Variants in SPART observed in about 807,000 individuals in gnomAD.
The protein encoded by SPART is spartin, also known as spastic paraplegia 20 (Troyer syndrome).
In SPART, 35 loss-of-function variants were observed where a neutral mutation model predicts 58.7. That is an observed-to-expected ratio of 0.60 (90% CI 0.46 to 0.79). SPART has a LOEUF of 0.79. SPART is among the 30% of genes least tolerant of loss of function. The pLI is 0.00. For synonymous variants in SPART, 284 were observed against 280.7 expected (o/e 1.01, Z -0.12); for missense variants, 730 against 786.1 (o/e 0.93, Z 0.85).
intron 1 of SPART, among the ~76,000 whole-genome samples, chr13:36,357,153 C>G (rs930637789): frequency 1.2e-4 from 18 of 152,114 alleles, no homozygotes; most frequent in African/African-American, 3.9e-4. Context: ...TGAGGCAGAG[C>G]GTGGATGCTC....
chr13:36,321,068 T>A (rs1882327657), intron 5 of SPART, among the ~76,000 whole-genome samples: 1 of 152,234 alleles, frequency 6.6e-6, no homozygotes, highest in African/African-American at 2.4e-5. Flanking sequence ...GTCCTCGGAA[T>A]GCTACAGGGT....
intron 1 of SPART, chr13:36,368,516 T>C (rs1461491169): frequency 6.4e-6 from 1 of 156,744 alleles, no homozygotes; most frequent in Non-Finnish European, 1.4e-5. Flanking sequence ...CAAGTCATAC[T>C]GTTAGCTAGA....
chr13:36,356,310 A>G (rs1885620482), intron 1 of SPART, among the ~76,000 whole-genome samples: 1 of 152,200 alleles, frequency 6.6e-6, no homozygotes, highest in Admixed American at 6.5e-5. Context: ...AGCAGCCTGG[A>G]CGCTCTGCTG....
chr13:36,304,441 G>C lies in SPART; in HGVS notation c.1925C>G (p.Ala642Gly). ...DNSQRENQEG[A>G]ANVNVRGEKD... The stretch of plus-strand genomic sequence containing the variant: ...CTCCCCTCTCACGTTGACATTTGCT[G>C]CTCCTTCTTGATTTTCCCTCTGAGA... Residue 642 changes from alanine to glycine, a missense_variant, in exon 9 of 9, where the codon GCA becomes GGA. Ala to Gly is a moderately conservative substitution (Grantham distance 60, BLOSUM62 0). Coordinates refer to ENST00000438666, the MANE Select transcript of SPART (RefSeq NM_015087.5). 6.2e-7 allele frequency: 1 copy of C among 1,613,980 alleles called. No individual in the cohort carries two copies. Among genetic ancestry groups the C allele is most frequent in the Non-Finnish European group, 8.5e-7 (1 of 1,179,996 alleles).
chr13:36,347,811 A>T (rs1265695263), upstream of SPART, among the ~76,000 whole-genome samples: 1 of 152,206 alleles, frequency 6.6e-6, no homozygotes, highest in Non-Finnish European at 1.5e-5. Context: ...TTAAAATAAA[A>T]GTTATATAAC....
At chr13:36,362,855 T>A (rs1458395426) in intron 1 of SPART, among the ~76,000 whole-genome samples, 4 of 152,172 alleles carry the variant, frequency 2.6e-5, no homozygotes, top group African/African-American at 4.8e-5. Flanking sequence ...CTTATTCCAC[T>A]GTTCTTTTTG....
At chr13:36,304,676 T>C (rs757947408) in intron 8 of SPART, 44 bp from the exon 9 acceptor site, 18 of 1,583,974 alleles carry the variant, frequency 1.1e-5, no homozygotes, top group Non-Finnish European at 1.5e-5. Flanking sequence ...ACAATAAATA[T>C]AAAATAAGGT....
rs1880189749 is a variant in SPART at position 36,303,479 on chromosome 13, A to G, written c.*886T>C. 6.6e-6 allele frequency: 1 copy of G among 152,122 alleles called. No homozygotes were observed. Among genetic ancestry groups the G allele is most frequent in the Non-Finnish European group, 1.5e-5 (1 of 68,014 alleles). The allele number at this position is 152,122 out of a possible 1,614,324, so 9.4% of individuals were successfully genotyped here. ...CCTTTTTAATAACTTGTCTTTTAAT[A>G]TAAATTCCAATGACCGAATCCCAGA... On this transcript the variant is annotated 3_prime_UTR_variant, in exon 9 of 9. Coordinates refer to ENST00000438666, the MANE Select transcript of SPART (RefSeq NM_015087.5).
intron 1 of SPART, among the ~76,000 whole-genome samples, chr13:36,356,351 T>C (rs1056013247): frequency 5.3e-5 from 8 of 152,198 alleles, no homozygotes; most frequent in Non-Finnish European, 7.3e-5. Flanking sequence ...TGTATGTCAG[T>C]GTACTTTATT....
Position 36,335,111 on chromosome 13 carries a change from A to C in SPART, c.720T>G (p.Ser240Arg), listed in dbSNP as rs780452995. The C allele has an allele frequency of 1.2e-6, 2 of 1,614,190 alleles. No homozygotes were observed. Among genetic ancestry groups the C allele is most frequent in the Admixed American group, 3.3e-5 (2 of 60,018 alleles). The change falls in exon 2 of 9, where the codon AGT becomes AGG. Residue 240 changes from serine to arginine, a missense_variant. Physicochemically the swap from Ser to Arg is moderately radical, Grantham distance 110. Coordinates refer to ENST00000438666, the MANE Select transcript of SPART (RefSeq NM_015087.5). ...GAAGGTACCCAGGATACGAAGGTGCACTAACCTCCCCTGCAGGATTTACAA... is the reference window on the plus strand; with the variant it reads ...GAAGGTACCCAGGATACGAAGGTGCCCTAACCTCCCCTGCAGGATTTACAA... ...IFFVNPAGEV[S>R]APSYPGYLRI...
chr13:36,364,666 G>A (rs1188628440), intron 1 of SPART, among the ~76,000 whole-genome samples: 1 of 152,102 alleles, frequency 6.6e-6, no homozygotes, highest in Non-Finnish European at 1.5e-5. Flanking sequence ...GAAATATTTG[G>A]GCTAGTGCAA....
Position 36,325,522 on chromosome 13 carries a change from T to C in SPART, c.1288+1053A>G, listed in dbSNP as rs1882846012. On this transcript the variant is annotated intron_variant, in intron 5 of 8. Coordinates refer to ENST00000438666, the MANE Select transcript of SPART (RefSeq NM_015087.5). ...CATGGAAATCTGAATTGACAGTCGT[T>C]TAAATGAGTCAAGACCCATTTAATG... Among the ~76,000 whole-genome samples, 3 of 152,282 alleles carry C rather than the reference T, an allele frequency of 2.0e-5. No homozygotes were observed. In the South Asian group the frequency reaches 6.2e-4, roughly 32 times the overall value.
In SPART at chr13:36,335,460, T is replaced by C; in HGVS notation, c.371A>G (p.Glu124Gly). Residue 124 changes from glutamate to glycine, a missense_variant, in exon 2 of 9, where the codon GAA becomes GGA. Physicochemically the swap from Glu to Gly is moderately conservative, Grantham distance 98. Coordinates refer to ENST00000438666, the MANE Select transcript of SPART (RefSeq NM_015087.5). Reference protein sequence around the residue: ...YPEFPPKDMCEKLPEPQSFSS... With the variant: ...YPEFPPKDMCGKLPEPQSFSS... ...AAAAGACTGAGGCTCTGGTAATTTT[T>C]CACACATGTCTTTAGGTGGAAATTC... 6.2e-7 allele frequency: 1 copy of C among 1,614,134 alleles called. No individual in the cohort carries two copies. The highest frequency in any genetic ancestry group is 8.5e-7 in the Non-Finnish European group (1 of 1,180,026).
Position 36,326,658 on chromosome 13 carries a change from A to G in SPART, c.1205T>C (p.Ile402Thr). Residue 402 changes from isoleucine (I) to threonine (T), a missense_variant, in exon 5 of 9, where the codon ATT (isoleucine) becomes ACT (threonine). Physicochemically the swap from Ile to Thr is moderately conservative, Grantham distance 89. Transcript: ENST00000438666. ...TSSEEVNLSHIVPCEPVPEEK... is the reference protein window; with the variant it reads ...TSSEEVNLSHTVPCEPVPEEK... ...TTCTGGAACTGGCTCACATGGTACA[A>G]TGTGACTCAGGTTAACTTCTTCACT... The G allele has an allele frequency of 1.2e-6, 2 of 1,613,360 alleles. No individual in the cohort carries two copies. The highest frequency in any genetic ancestry group is 1.7e-6 in the Non-Finnish European group (2 of 1,179,824).
At chr13:36,329,785 TAA>T (rs1883293942) in intron 3 of SPART, among the ~76,000 whole-genome samples, 1 of 152,232 alleles carries the variant, frequency 6.6e-6, no homozygotes, top group South Asian at 2.1e-4. Flanking sequence ...GTTGTTGGTA[TAA>T]GTTATCTTTG....
chr13:36,366,788 G>A, intron 1 of SPART, among the ~76,000 whole-genome samples: 1 of 96,106 alleles, frequency 1.0e-5, no homozygotes, highest in Admixed American at 1.1e-4. Flanking sequence ...ACGTGTATCT[G>A]TGTCGTTTTA....
intron 5 of SPART, among the ~76,000 whole-genome samples, chr13:36,314,875 G>A (rs879666879): frequency 7.2e-5 from 11 of 152,120 alleles, no homozygotes; most frequent in Non-Finnish European, 1.3e-4. Context: ...TCACAAAATG[G>A]AAACCAAAGA....
intron 6 of SPART, chr13:36,314,022 A>C (rs1881406969): frequency 3.4e-6 from 2 of 588,096 alleles, no homozygotes; most frequent in East Asian, 2.9e-5. Context: ...CTGTCCCTAA[A>C]ATTCTGCATT....
At chr13:36,341,994 A>G (rs1884628379) in intron 1 of SPART, among the ~76,000 whole-genome samples, 1 of 152,200 alleles carries the variant, frequency 6.6e-6, no homozygotes, top group African/African-American at 2.4e-5. Context: ...GGAGGCCCAG[A>G]CTAAGGCAGC....
Sources: gnomAD v4.1 joint callset for allele counts (sites outside exome capture counted in the v4.1 genomes callset) on GRCh38, gnomAD v4.1.1 for gene constraint, MANE v1.5 for transcripts, NCBI Gene and HGNC (gene_info 2026-07-23, HGNC 2026-07-21) for gene names.